DRC3: variants seen among roughly 807,000 people sequenced by gnomAD.
The protein encoded by DRC3 is leucine rich repeat containing 48.
A neutral mutation model predicts 57.6 loss-of-function variants in DRC3; 45 were observed. The observed-to-expected ratio is 0.78, with a 90% CI of 0.62 to 1.00. The LOEUF (loss-of-function observed/expected upper bound fraction) is 1.00. Ranked by LOEUF, DRC3 falls within the 50% of genes least tolerant of loss-of-function variation. The pLI, the probability that DRC3 is intolerant of heterozygous loss-of-function variation, is 0.00. For synonymous variants in DRC3, 257 were observed against 272.3 expected (o/e 0.94, Z 0.55); for missense variants, 655 against 675.2 (o/e 0.97, Z 0.33).
intron 11 of DRC3, 28 bp from the exon 12 acceptor site, chr17:18,006,996 C>T (rs377138070): frequency 1.1e-5 from 17 of 1,611,572 alleles, no homozygotes; most frequent in African/African-American, 2.7e-5. Flanking sequence ...CTGCTCCTCC[C>T]GGGCCTTTGC....
At chr17:17,980,141 G>A (rs1325606221) in intron 3 of DRC3, among the ~76,000 whole-genome samples, 1 of 152,234 alleles carries the variant, frequency 6.6e-6, no homozygotes, top group Admixed American at 6.5e-5. Flanking sequence ...GTGCAGGGAG[G>A]GGAGCTAGGA....
chr17:18,007,161 G>GCGGC lies in DRC3; in HGVS notation c.1326+15_1326+16insGGCC. On this transcript the variant is annotated intron_variant, in intron 12 of 13. Coordinates refer to ENST00000399187, the MANE Select transcript of DRC3 (RefSeq NM_031294.4). ...GACCTGCGCGCGGTAGGCGGGGCGGGCTGCTCGGAGCCTGACAGATGTGGT... is the reference window on the plus strand; with the variant it reads ...GACCTGCGCGCGGTAGGCGGGGCGGGCGGCCTGCTCGGAGCCTGACAGATGTGGT... 9.4e-7 allele frequency: 1 copy of GCGGC among 1,059,878 alleles called. No individual in the cohort carries two copies. Among genetic ancestry groups the GCGGC allele is most frequent in the Non-Finnish European group, 1.3e-6 (1 of 748,770 alleles). The allele number at this position is 1,059,878 out of a possible 1,614,324, so 65.7% of individuals were successfully genotyped here. A position where few individuals can be genotyped will look rare whatever the true frequency, so the allele number is the denominator to read the frequency against.
intron 5 of DRC3, chr17:17,988,368 A>G (rs1239574292): frequency 2.2e-6 from 1 of 453,042 alleles, no homozygotes; most frequent in Non-Finnish European, 4.0e-6. Flanking sequence ...TTTAACAAAC[A>G]TTTGCTGAGG....
rs2043291155 is a variant in DRC3, at chr17:17,992,791, C to G, written c.471C>G (p.Cys157Trp). ...MNIIYLRRFK[C>W]LRTLSLSRNP... ...TCATCTACCTCCGGCGGTTCAAGTG[C>G]CTGCGGACGCTCAGCCTCTCTAGGA... Residue 157 changes from cysteine to tryptophan, a missense_variant, in exon 6 of 14, where the codon TGC becomes TGG. Physicochemically the swap from Cys to Trp is radical, Grantham distance 215 (BLOSUM62 -2). Coordinates refer to ENST00000399187, the MANE Select transcript of DRC3 (RefSeq NM_031294.4). The G allele has an allele frequency of 7.4e-6, 12 of 1,613,740 alleles. No individual in the cohort carries two copies. The highest frequency in any genetic ancestry group is 1.0e-5 in the Non-Finnish European group (12 of 1,179,800).
At chr17:18,011,427 G>A (rs2044165083) in intron 12 of DRC3, 1 of 260,344 alleles carries the variant, frequency 3.8e-6, no homozygotes, top group South Asian at 3.5e-5. Context: ...TCCTGACCAA[G>A]CTCTCTACTG....
intron 6 of DRC3, 193 bp downstream of exon 6, chr17:17,993,104 G>A: frequency 1.7e-6 from 1 of 603,292 alleles, no homozygotes; most frequent in Non-Finnish European, 2.8e-6. Context: ...GTACTGTTTT[G>A]TGTGCGTTCC....
Position 18,008,428 on chromosome 17 carries a change from G to A in DRC3, c.1326+1281G>A, listed in dbSNP as rs928965293. On this transcript the variant is annotated intron_variant, in intron 12 of 13. Transcript: ENST00000399187. The surrounding 1 kb of genome is among the most constrained non-coding windows in gnomAD (Gnocchi z 4.3). ...TACATGTAAGCTCAGGAGGGAGGAC[G>A]GGGATGGCCTTTTCACCACCATGTA... Among the ~76,000 whole-genome samples the A allele has an allele frequency of 6.6e-6, 1 of 152,204 alleles. No homozygotes were observed. Among genetic ancestry groups the A allele is most frequent in the Non-Finnish European group, 1.5e-5 (1 of 68,042 alleles).
chr17:18,006,899 C>A, intron 11 of DRC3, 125 bp from the exon 12 acceptor site: 1 of 1,445,552 alleles, frequency 6.9e-7, no homozygotes, highest in Non-Finnish European at 9.3e-7. Context: ...TGTGAGTGGA[C>A]GGTGCTGCCA....
At chr17:17,991,590 C>T (rs532156102) in intron 5 of DRC3, among the ~76,000 whole-genome samples, 90 of 152,184 alleles carry the variant, frequency 5.9e-4, no homozygotes, top group African/African-American at 2.0e-3. Context: ...GCCTTGTACC[C>T]GGCCAAAGTA....
chr17:18,007,939 A>G (rs1490299682), intron 12 of DRC3: 3 of 829,464 alleles, frequency 3.6e-6, no homozygotes, highest in Non-Finnish European at 4.4e-6. Flanking sequence ...TCCGTCCTCC[A>G]TGTGGCAGCC....
chr17:17,978,684 G>A (rs2042508329), intron 3 of DRC3, among the ~76,000 whole-genome samples: 1 of 152,214 alleles, frequency 6.6e-6, no homozygotes, highest in Non-Finnish European at 1.5e-5. Flanking sequence ...AAGCCCATAG[G>A]CTCCCAGGGC....
intron 12 of DRC3, among the ~76,000 whole-genome samples, chr17:18,014,458 C>T (rs906974169): frequency 6.6e-6 from 1 of 152,218 alleles, no homozygotes; most frequent in African/African-American, 2.4e-5. Context: ...CTCTAGGCCA[C>T]CCAAAGTCCA....
intron 11 of DRC3, chr17:18,006,705 T>TC: frequency 2.7e-6 from 1 of 370,222 alleles, no homozygotes; most frequent in South Asian, 2.8e-5. Context: ...GGGCTCACAG[T>TC]CCCTCAGGGA....
At chr17:18,005,919 G>A in intron 10 of DRC3, 1 of 469,600 alleles carries the variant, frequency 2.1e-6, no homozygotes, top group East Asian at 3.8e-5. Context: ...AGGGGAGTAA[G>A]ACCAGGACAA....
At position 17,987,976 on chromosome 17, in the gene DRC3, C is replaced by T; in HGVS notation, c.322C>T (p.Leu108=). 6.2e-7 allele frequency: 1 copy of T among 1,614,038 alleles called. No homozygotes were observed. Among genetic ancestry groups the T allele is most frequent in the Non-Finnish European group, 8.5e-7 (1 of 1,179,892 alleles). Residue 108 remains leucine (L), a synonymous_variant, in exon 5 of 14, where the codon CTG becomes TTG. Coordinates refer to ENST00000399187, the MANE Select transcript of DRC3 (RefSeq NM_031294.4). ...NIETIEGLDT[L]VNLEDLSLFN... is the part of the protein sequence containing the mutation. ...TGAGACCATCGAGGGGCTGGACACA[C>T]TGGTGAACCTGGAGGACCTGAGCTT...
chr17:17,998,121 C>T (rs1019130504), intron 9 of DRC3, among the ~76,000 whole-genome samples: 3 of 152,330 alleles, frequency 2.0e-5, no homozygotes, highest in African/African-American at 7.2e-5. Context: ...GGCCCCACCC[C>T]TCACCTGAGC....
chr17:17,994,942 G>A, intron 7 of DRC3, 57 bp from the exon 8 acceptor site: 1 of 1,189,954 alleles, frequency 8.4e-7, no homozygotes. Flanking sequence ...GGGCCTGTGA[G>A]ATGATGCAGG....
Position 18,004,435 on chromosome 17 carries a change from A to C in DRC3, c.1072A>C (p.Ile358Leu), listed in dbSNP as rs1427823658. The C allele has an allele frequency of 6.2e-7, 1 of 1,610,938 alleles. No individual in the cohort carries two copies. Among genetic ancestry groups the C allele is most frequent in the Non-Finnish European group, 8.5e-7 (1 of 1,178,698 alleles). ...GATGATCCTAGAATGCAGTGCTGAC[A>C]TCAGTGAGTTGTTCGATGCGCTCAT... ...EKMILECSAD[I>L]SELFDALMTL... is the part of the protein sequence containing the mutation. Residue 358 changes from isoleucine to leucine, a missense_variant, in exon 10 of 14, where the codon ATC becomes CTC. Physicochemically the swap from Ile to Leu is conservative, Grantham distance 5. Coordinates refer to ENST00000399187, the MANE Select transcript of DRC3 (RefSeq NM_031294.4).
intron 7 of DRC3, 134 bp downstream of exon 7, chr17:17,994,552 G>A: frequency 7.9e-7 from 1 of 1,261,868 alleles, no homozygotes; most frequent in East Asian, 2.6e-5. Flanking sequence ...AGGGCCTGAT[G>A]CCCTCTCCCT....
Sources: gnomAD v4.1 joint callset for allele counts (sites outside exome capture counted in the v4.1 genomes callset) on GRCh38, gnomAD v4.1.1 for gene constraint, Gnocchi (gnomAD v3.1) non-coding constraint, MANE v1.5 for transcripts, NCBI Gene and HGNC (gene_info 2026-07-23, HGNC 2026-07-21) for gene names.